Variants in ANKS1B observed in about 807,000 individuals in gnomAD.
The protein encoded by ANKS1B is ankyrin repeat and sterile alpha motif domain-containing protein 1B.
In ANKS1B, 36 loss-of-function variants were observed where a neutral mutation model predicts 148.3. That is an observed-to-expected ratio of 0.24 (90% CI 0.19 to 0.32). ANKS1B has a LOEUF of 0.32. ANKS1B is among the 10% of genes least tolerant of loss of function. The pLI is 1.00. For synonymous variants in ANKS1B, 542 were observed against 560.8 expected, an observed-to-expected ratio of 0.97 and a Z score of 0.47; for missense variants, 1,157 against 1,542.6, an observed-to-expected ratio of 0.75 and a Z score of 4.19.
chr12:99,771,428 C>A (rs1185445500), intron 8 of ANKS1B, among the ~76,000 whole-genome samples: 2 of 151,962 alleles, frequency 1.3e-5, no homozygotes, highest in African/African-American at 4.8e-5. Context: ...CCAGAAGCTG[C>A]CAGTTTACAT....
intron 8 of ANKS1B, among the ~76,000 whole-genome samples, chr12:99,696,176 A>T (rs1447947209): frequency 1.3e-5 from 2 of 152,234 alleles, no homozygotes; most frequent in African/African-American, 2.4e-5. Flanking sequence ...ATTAATACAT[A>T]TATGGTTCGT....
At chr12:99,829,143 A>C (rs1410787478) in intron 1 of ANKS1B, among the ~76,000 whole-genome samples, 1 of 152,144 alleles carries the variant, frequency 6.6e-6, no homozygotes, top group Non-Finnish European at 1.5e-5. Flanking sequence ...AAAACACAGA[A>C]AACAGGAGAA....
intron 1 of ANKS1B, among the ~76,000 whole-genome samples, chr12:99,893,280 G>T (rs185138335): frequency 1.3e-5 from 2 of 151,862 alleles, no homozygotes; most frequent in African/African-American, 4.8e-5. Flanking sequence ...GTGTGGTGGC[G>T]GGAGCCTGTA....
intron 9 of ANKS1B, 136 bp downstream of exon 9, chr12:99,654,931 T>C (rs2098443028): frequency 3.1e-6 from 3 of 977,668 alleles, no homozygotes; most frequent in African/African-American, 1.6e-5. Context: ...CTTGACACTT[T>C]GAGAAAAACC....
intron 12 of ANKS1B, among the ~76,000 whole-genome samples, chr12:99,366,160 A>C (rs2092754802): frequency 6.6e-6 from 1 of 152,202 alleles, no homozygotes; most frequent in Non-Finnish European, 1.5e-5. Context: ...ATTTAGAAGC[A>C]CTTGTGCAAG....
At chr12:99,110,291 G>A (rs982905035) in intron 15 of ANKS1B, among the ~76,000 whole-genome samples, 2 of 151,936 alleles carry the variant, frequency 1.3e-5, no homozygotes, top group African/African-American at 4.8e-5. Flanking sequence ...ATCAGCCCAC[G>A]GTAAAATAAA....
At chr12:98,984,196 GAGA>G (rs2099921976) in intron 17 of ANKS1B, among the ~76,000 whole-genome samples, 1 of 152,218 alleles carries the variant, frequency 6.6e-6, no homozygotes, top group Non-Finnish European at 1.5e-5. Flanking sequence ...TGGTTTAACT[GAGA>G]AGATCTGTGA....
At chr12:99,004,064 C>T (rs886358146) in intron 17 of ANKS1B, among the ~76,000 whole-genome samples, 1 of 152,118 alleles carries the variant, frequency 6.6e-6, no homozygotes, top group Non-Finnish European at 1.5e-5. Flanking sequence ...TTAACTTAAA[C>T]GTGGATGTGA....
In ANKS1B at chr12:98,773,029, G is replaced by C. The variant is rs1287316688; in HGVS notation, c.3579+13C>G. On this transcript the variant is annotated intron_variant, in intron 25 of 26. Coordinates refer to ENST00000683438, the MANE Select transcript of ANKS1B (RefSeq NM_001352186.2). ...CAAAGTCTTTAATCTGTTGAAAGGGGGTGGGTACTCACCACATCAAAGGCA... is the reference window on the plus strand; with the variant it reads ...CAAAGTCTTTAATCTGTTGAAAGGGCGTGGGTACTCACCACATCAAAGGCA... 3.1e-6 allele frequency: 5 copies of C among 1,613,746 alleles called. No individual in the cohort carries two copies. The highest frequency in any genetic ancestry group is 4.2e-6 in the Non-Finnish European group (5 of 1,179,792).
intron 15 of ANKS1B, among the ~76,000 whole-genome samples, chr12:99,101,848 C>A (rs148425687): frequency 1.4e-3 from 210 of 152,286 alleles, no homozygotes; most frequent in African/African-American, 4.8e-3. Context: ...AGGTATGAGC[C>A]CCTGCGCTCA....
chr12:99,399,551 A>C, intron 12 of ANKS1B, 80 bp downstream of exon 12: 1 of 1,453,744 alleles, frequency 6.9e-7, no homozygotes, highest in Middle Eastern at 2.3e-4. Flanking sequence ...ATTTGTACGA[A>C]GACTCCTCCT....
intron 1 of ANKS1B, among the ~76,000 whole-genome samples, chr12:99,839,146 C>T (rs1363785091): frequency 2.0e-5 from 3 of 152,084 alleles, no homozygotes; most frequent in Admixed American, 6.6e-5. Context: ...GGGGCTGAGG[C>T]AGGAGGATCA....
chr12:99,714,407 G>A (rs988858689), intron 8 of ANKS1B, among the ~76,000 whole-genome samples: 1 of 152,072 alleles, frequency 6.6e-6, no homozygotes, highest in Non-Finnish European at 1.5e-5. Context: ...TGCACATATT[G>A]CCTTTTTACA....
intron 15 of ANKS1B, among the ~76,000 whole-genome samples, chr12:99,146,410 G>A (rs2073117288): frequency 6.6e-6 from 1 of 152,150 alleles, no homozygotes; most frequent in Admixed American, 6.5e-5. Flanking sequence ...GGGAAGTGAT[G>A]CTTAAGCTGA....
chr12:99,929,404 G>A (rs1325663226), intron 1 of ANKS1B, among the ~76,000 whole-genome samples: 2 of 152,142 alleles, frequency 1.3e-5, no homozygotes, highest in East Asian at 1.9e-4. Flanking sequence ...TTAGCCCTTT[G>A]TCAGATGAGT....
intron 1 of ANKS1B, among the ~76,000 whole-genome samples, chr12:99,831,451 AT>A (rs952548385): frequency 7.2e-6 from 1 of 138,904 alleles, no homozygotes; most frequent in African/African-American, 2.8e-5. Flanking sequence ...AAGAGGAATT[AT>A]TTTAAGAAAT....
At chr12:98,967,717 C>T (rs1278917066) in intron 17 of ANKS1B, among the ~76,000 whole-genome samples, 1 of 108,692 alleles carries the variant, frequency 9.2e-6, no homozygotes, top group African/African-American at 3.7e-5. Flanking sequence ...AGAGATCAGC[C>T]AATAAAAAGG....
intron 12 of ANKS1B, among the ~76,000 whole-genome samples, chr12:99,323,446 T>C (rs1030603659): frequency 5.9e-5 from 9 of 152,218 alleles, no homozygotes; most frequent in Non-Finnish European, 1.2e-4. Flanking sequence ...TTAGCCAGCA[T>C]AGGTTCCTGG....
At chr12:98,996,812 C>CAAAAAAAA (rs1160748107) in intron 17 of ANKS1B, among the ~76,000 whole-genome samples, 5 of 40,638 alleles carry the variant, frequency 1.2e-4, no homozygotes, top group Non-Finnish European at 1.7e-4. Context: ...GACTCTATCT[C>CAAAAAAAA]AAAAAAAAAA....
Sources: allele counts gnomAD v4.1 joint callset (sites outside exome capture counted in the v4.1 genomes callset), GRCh38; gene constraint gnomAD v4.1.1; transcripts MANE v1.5; gene names NCBI Gene and HGNC (gene_info 2026-07-23, HGNC 2026-07-21).